The following FAM13A variants were observed in gnomAD, a reference collection of about 807,000 sequenced individuals.
FAM13A encodes the protein protein FAM13A.
In FAM13A, 76 loss-of-function variants were observed where a neutral mutation model predicts 129.6. That is an observed-to-expected ratio of 0.59 (90% confidence interval 0.49 to 0.71). The LOEUF is 0.71. Ranked by LOEUF, FAM13A falls within the 30% of genes least tolerant of loss-of-function variation. The pLI, the probability that FAM13A is intolerant of heterozygous loss-of-function variation, is 0.00. For missense variants in FAM13A, 1,108 were observed against 1,249.3 expected (o/e 0.89, Z 1.70); for synonymous variants, 443 against 449.9 (o/e 0.98, Z 0.20).
intron 5 of FAM13A, among the ~76,000 whole-genome samples, chr4:88,915,956 C>T (rs1375489067): frequency 1.3e-5 from 2 of 152,050 alleles, no homozygotes; most frequent in East Asian, 3.9e-4. Context: ...AGCCTGACGC[C>T]CTTGCCAGAA....
rs544971510 is a variant in FAM13A, at chr4:89,013,485, T to G, written c.427+6975A>C. On this transcript the variant is annotated intron_variant, in intron 3 of 23. Coordinates refer to ENST00000264344, the MANE Select transcript of FAM13A (RefSeq NM_014883.4). ...ATTTGGCAGCTTACATAACTAGTAG[T>G]TGCTCAATTACAGTCATGCACTGCA... 3.0e-4 allele frequency among the ~76,000 whole-genome samples: 43 copies of G among 145,188 alleles called. No homozygotes were observed. The East Asian group carries it at 0.01, about 34-fold the overall frequency.
At chr4:88,905,156 T>C (rs955001287) in intron 6 of FAM13A, among the ~76,000 whole-genome samples, 1 of 152,102 alleles carries the variant, frequency 6.6e-6, no homozygotes, top group Admixed American at 6.6e-5. Flanking sequence ...TATGTGTGTA[T>C]ATATGTATGT....
At chr4:89,028,785 AG>A (rs1768321652) in intron 2 of FAM13A, among the ~76,000 whole-genome samples, 1 of 149,842 alleles carries the variant, frequency 6.7e-6, no homozygotes, top group South Asian at 2.1e-4. Flanking sequence ...AAAAAAAAAA[AG>A]ATGTAGGGAA....
intron 3 of FAM13A, among the ~76,000 whole-genome samples, chr4:89,003,911 T>C (rs1265335611): frequency 1.3e-5 from 2 of 151,654 alleles, no homozygotes; most frequent in African/African-American, 2.4e-5. Flanking sequence ...ACCAAAACAA[T>C]AGCTAAACCA....
chr4:88,936,029 A>C (rs146971951), intron 5 of FAM13A, among the ~76,000 whole-genome samples: 67 of 152,306 alleles, frequency 4.4e-4, no homozygotes, highest in African/African-American at 1.5e-3. Flanking sequence ...GCCGATCTGA[A>C]ACTTACATTA....
chr4:88,983,576 A>G (rs1330811094), intron 4 of FAM13A, among the ~76,000 whole-genome samples: 2 of 152,202 alleles, frequency 1.3e-5, no homozygotes, highest in African/African-American at 2.4e-5. Context: ...AAGATACTTG[A>G]TAATAGATTT....
At chr4:89,015,877 T>C (rs1446081537) in intron 3 of FAM13A, among the ~76,000 whole-genome samples, 1 of 152,096 alleles carries the variant, frequency 6.6e-6, no homozygotes, top group African/African-American at 2.4e-5. Flanking sequence ...TATGTGTATG[T>C]TAACTATAAC....
chr4:88,908,767 T>G (rs1400828692), intron 5 of FAM13A, among the ~76,000 whole-genome samples: 2 of 152,166 alleles, frequency 1.3e-5, no homozygotes, highest in African/African-American at 4.8e-5. Flanking sequence ...GAAGAAGTAG[T>G]ATTTATTGAT....
chr4:88,886,814 C>T (rs1277543778), intron 6 of FAM13A, among the ~76,000 whole-genome samples: 5 of 149,472 alleles, frequency 3.3e-5, no homozygotes, highest in Admixed American at 6.7e-5. Flanking sequence ...GGCTGAAGCA[C>T]GAGAATCACT....
At chr4:89,045,878 G>A (rs779000830) in intron 1 of FAM13A, among the ~76,000 whole-genome samples, 1 of 151,956 alleles carries the variant, frequency 6.6e-6, no homozygotes, top group African/African-American at 2.4e-5. Context: ...ACAAAAATTA[G>A]CTGGGCATGG....
chr4:88,838,950 C>T (rs1050060840), intron 7 of FAM13A, among the ~76,000 whole-genome samples: 1 of 152,018 alleles, frequency 6.6e-6, no homozygotes, highest in Non-Finnish European at 1.5e-5. Context: ...CTGTTCACAG[C>T]ATTTTTTCAT....
At chr4:88,827,119 G>C (rs988118335) in intron 7 of FAM13A, among the ~76,000 whole-genome samples, 1 of 151,994 alleles carries the variant, frequency 6.6e-6, no homozygotes, top group Non-Finnish European at 1.5e-5. Flanking sequence ...TGCTTTTAGG[G>C]TCTTTTGACC....
At chr4:88,956,427 A>G (rs956885446) in intron 4 of FAM13A, among the ~76,000 whole-genome samples, 1 of 152,150 alleles carries the variant, frequency 6.6e-6, no homozygotes, top group Non-Finnish European at 1.5e-5. Flanking sequence ...ATATAAGTAT[A>G]CTCTGTGATG....
intron 4 of FAM13A, among the ~76,000 whole-genome samples, chr4:88,938,690 A>G (rs1457563796): frequency 1.3e-5 from 2 of 152,196 alleles, no homozygotes; most frequent in Non-Finnish European, 2.9e-5. Flanking sequence ...AAAAATAATG[A>G]TAATTGTTGA....
At chr4:88,952,048 T>C (rs1050898186) in intron 4 of FAM13A, among the ~76,000 whole-genome samples, 1 of 152,228 alleles carries the variant, frequency 6.6e-6, no homozygotes, top group Admixed American at 6.5e-5. Context: ...TAGGCTACAG[T>C]GTAAAACATA....
At chr4:88,735,650 A>C (rs1578417626) in intron 21 of FAM13A, among the ~76,000 whole-genome samples, 1 of 152,316 alleles carries the variant, frequency 6.6e-6, no homozygotes, top group East Asian at 1.9e-4. Context: ...ACTTAGATAC[A>C]ATCTTACCTG....
chr4:88,760,410 C>G (rs1744559512), intron 13 of FAM13A, among the ~76,000 whole-genome samples: 1 of 31,258 alleles, frequency 3.2e-5, no homozygotes, highest in African/African-American at 6.1e-5. Flanking sequence ...CGAGACCATC[C>G]TGGCTAACGC....
At chr4:88,935,759 C>T (rs1460013816) in intron 5 of FAM13A, among the ~76,000 whole-genome samples, 3 of 152,122 alleles carry the variant, frequency 2.0e-5, no homozygotes, top group Non-Finnish European at 4.4e-5. Context: ...ATGTGGCTAA[C>T]ATATTCTCCT....
chr4:89,054,562 GTCTC>G (rs1032098935), intron 1 of FAM13A, among the ~76,000 whole-genome samples: 3 of 152,080 alleles, frequency 2.0e-5, no homozygotes, highest in African/African-American at 7.2e-5. Context: ...CCCTCCCTCA[GTCTC>G]TCTTTTTCTT....
Sources: allele counts gnomAD v4.1 joint callset (sites outside exome capture counted in the v4.1 genomes callset), GRCh38; gene constraint gnomAD v4.1.1; transcripts MANE v1.5; gene names NCBI Gene and HGNC (gene_info 2026-07-23, HGNC 2026-07-21).